The following OPCML variants were observed in gnomAD, a reference collection of about 807,000 sequenced individuals.
The protein encoded by OPCML is opioid-binding protein/cell adhesion molecule.
In OPCML, 13 loss-of-function variants were observed where a neutral mutation model predicts 37.8. The ratio of observed to expected loss-of-function variants is 0.34; its 90% CI spans 0.22 to 0.55. The LOEUF (loss-of-function observed/expected upper bound fraction) is 0.55. Among genes scored for constraint, OPCML ranks in the 20% least tolerant of loss-of-function variants. The probability of loss-of-function intolerance (pLI) is 0.91; values close to 1 mark genes in which losing one functional copy is unlikely to be tolerated. For synonymous variants in OPCML, 176 were observed against 168.8 expected (o/e 1.04, Z -0.33); for missense variants, 341 against 435.6 (o/e 0.78, Z 1.93).
intron 2 of OPCML, among the ~76,000 whole-genome samples, chr11:132,827,805 G>T (rs907280679): frequency 8.6e-6 from 1 of 116,556 alleles, no homozygotes. Context: ...ACGCCTGGCT[G>T]AATTTTTTTT....
intron 2 of OPCML, among the ~76,000 whole-genome samples, chr11:132,768,942 C>G (rs1348472344): frequency 6.6e-6 from 1 of 152,098 alleles, no homozygotes; most frequent in Non-Finnish European, 1.5e-5. Flanking sequence ...TCGTAAAGAG[C>G]AGCTTGTACT....
chr11:133,370,616 C>T (rs1381776181), intron 1 of OPCML, among the ~76,000 whole-genome samples: 3 of 151,800 alleles, frequency 2.0e-5, no homozygotes, highest in Admixed American at 1.3e-4. Context: ...GACATTTCAT[C>T]CTCATGGATC....
rs1392508239 is a variant in OPCML, at chr11:132,547,799, C to T, written c.380-18613G>A. On this transcript the variant is annotated intron_variant, in intron 3 of 7. Transcript: ENST00000524381. ...GTCTGCCACTTGCCATCTCTCTGAA[C>T]GTGACATCATGTTTATCCTTGAACA... 2.0e-5 allele frequency among the ~76,000 whole-genome samples: 3 copies of T among 152,126 alleles called. No individual in the cohort carries two copies. The East Asian group carries it at 5.8e-4, about 29-fold the overall frequency.
intron 1 of OPCML, among the ~76,000 whole-genome samples, chr11:133,246,072 C>A (rs567658314): frequency 9.2e-5 from 14 of 152,064 alleles, no homozygotes; most frequent in Admixed American, 5.2e-4. Context: ...CACATGTATA[C>A]CTATGTAAAA....
intron 1 of OPCML, among the ~76,000 whole-genome samples, chr11:133,160,053 C>T (rs949735459): frequency 3.3e-5 from 5 of 152,230 alleles, no homozygotes; most frequent in African/African-American, 1.2e-4. Flanking sequence ...GTCTTTTATA[C>T]AAACCTGACA....
chr11:133,245,658 A>G (rs771829536), intron 1 of OPCML, among the ~76,000 whole-genome samples: 1 of 152,198 alleles, frequency 6.6e-6, no homozygotes, highest in Non-Finnish European at 1.5e-5. Flanking sequence ...AGATAACTTC[A>G]GTATGTTTTA....
chr11:132,838,466 C>T (rs1026656036), intron 2 of OPCML, among the ~76,000 whole-genome samples: 27 of 152,274 alleles, frequency 1.8e-4, no homozygotes, highest in South Asian at 8.3e-4. Flanking sequence ...CAGATCCTGC[C>T]TACAAGTAAT....
At chr11:132,435,225 G>A (rs981511114) in intron 7 of OPCML, 1 of 1,289,412 alleles carries the variant, frequency 7.8e-7, no homozygotes, top group Admixed American at 2.3e-5. Flanking sequence ...AATGCAGAGA[G>A]AAAACAAAAG....
intron 1 of OPCML, among the ~76,000 whole-genome samples, chr11:133,317,275 G>A (rs2136611044): frequency 6.6e-6 from 1 of 152,198 alleles, no homozygotes; most frequent in African/African-American, 2.4e-5. Context: ...GATCCTCTAA[G>A]AAAGAAAAAA....
chr11:132,504,345 C>T (rs1457952835), intron 4 of OPCML, among the ~76,000 whole-genome samples: 1 of 152,180 alleles, frequency 6.6e-6, no homozygotes, highest in Non-Finnish European at 1.5e-5. Flanking sequence ...CAAGCGCTGA[C>T]TTGGATGGAC....
chr11:132,542,514 A>C (rs1435065059), intron 3 of OPCML, among the ~76,000 whole-genome samples: 1 of 152,160 alleles, frequency 6.6e-6, no homozygotes, highest in Non-Finnish European at 1.5e-5. Context: ...CCACATCAGC[A>C]GGACAGATTC....
intron 1 of OPCML, among the ~76,000 whole-genome samples, chr11:133,042,066 C>G (rs907346918): frequency 6.6e-6 from 1 of 152,140 alleles, no homozygotes; most frequent in Non-Finnish European, 1.5e-5. Flanking sequence ...CCTGCTTATT[C>G]CCTCTCTGGA....
chr11:133,080,835 ACTCACCTAGGC>A (rs1400359726), intron 1 of OPCML, among the ~76,000 whole-genome samples: 1 of 151,900 alleles, frequency 6.6e-6, no homozygotes, highest in Non-Finnish European at 1.5e-5. Flanking sequence ...TTCATGATTT[ACTCACCTAGGC>A]CTTCTGCATG....
At chr11:133,019,440 G>A (rs760820600) in intron 1 of OPCML, among the ~76,000 whole-genome samples, 5 of 152,108 alleles carry the variant, frequency 3.3e-5, no homozygotes, top group Non-Finnish European at 5.9e-5. Context: ...CTCTCCATGC[G>A]GACACCACTT....
intron 3 of OPCML, among the ~76,000 whole-genome samples, chr11:132,559,399 G>A (rs1188720737): frequency 6.6e-6 from 1 of 152,176 alleles, no homozygotes; most frequent in Non-Finnish European, 1.5e-5. Flanking sequence ...CAGGGTCACA[G>A]GATACATTTA....
chr11:133,291,098 C>T (rs1246242393), intron 1 of OPCML, among the ~76,000 whole-genome samples: 4 of 152,224 alleles, frequency 2.6e-5, no homozygotes, highest in Non-Finnish European at 4.4e-5. Context: ...CAACATTATT[C>T]GTGCCACGCA....
chr11:132,698,159 C>A (rs142077683), intron 2 of OPCML, among the ~76,000 whole-genome samples: 36 of 151,852 alleles, frequency 2.4e-4, no homozygotes, highest in African/African-American at 8.7e-4. Flanking sequence ...GGGCATATAC[C>A]CAGAAGTAAG....
chr11:132,508,850 G>T (rs940202987), intron 4 of OPCML, among the ~76,000 whole-genome samples: 4 of 152,068 alleles, frequency 2.6e-5, no homozygotes, highest in Non-Finnish European at 4.4e-5. Flanking sequence ...CGTGAAAATG[G>T]ACTAATACAG....
intron 4 of OPCML, among the ~76,000 whole-genome samples, chr11:132,493,021 C>T (rs918414864): frequency 4.6e-5 from 7 of 152,168 alleles, no homozygotes; most frequent in African/African-American, 1.7e-4. Context: ...ACACATTCAA[C>T]GTGATTCAAC....
Sources: gnomAD v4.1 joint callset for allele counts (sites outside exome capture counted in the v4.1 genomes callset) on GRCh38, gnomAD v4.1.1 for gene constraint, MANE v1.5 for transcripts, NCBI Gene and HGNC (gene_info 2026-07-23, HGNC 2026-07-21) for gene names.